Variants in PSD3 observed in about 807,000 individuals in gnomAD.
PSD3 encodes the protein PH and SEC7 domain-containing protein 3.
Under a neutral mutation model 105.5 loss-of-function variants are expected in PSD3, and 49 were observed. That is an observed-to-expected ratio of 0.46 (90% CI 0.37 to 0.59). The LOEUF (loss-of-function observed/expected upper bound fraction) is 0.59, where lower values mean the gene tolerates loss of function less well. Ranked by LOEUF, PSD3 falls within the 20% of genes least tolerant of loss-of-function variation. The pLI is 0.00. For missense variants in PSD3, 1,561 were observed against 1,263.8 expected (o/e 1.24, Z -3.57); for synonymous variants, 557 against 457.8 (o/e 1.22, Z -2.77).
intron 2 of PSD3, among the ~76,000 whole-genome samples, chr8:18,909,034 A>G (rs1322274362): frequency 6.6e-6 from 1 of 152,146 alleles, no homozygotes; most frequent in African/African-American, 2.4e-5. Context: ...AACCAACTCA[A>G]AGTTTACTAT....
chr8:19,079,121 T>C (rs888121921), intron 1 of PSD3, among the ~76,000 whole-genome samples: 4 of 152,046 alleles, frequency 2.6e-5, no homozygotes, highest in African/African-American at 9.7e-5. Flanking sequence ...GTGTGAATGT[T>C]GAGGATGGGG....
intron 1 of PSD3, among the ~76,000 whole-genome samples, chr8:19,075,175 G>A (rs749605717): frequency 4.7e-5 from 7 of 150,152 alleles, no homozygotes; most frequent in African/African-American, 7.3e-5. Flanking sequence ...CTCGAACTCC[G>A]GACTTCAAGT....
intron 9 of PSD3, chr8:18,734,321 T>G (rs997658272): frequency 6.6e-6 from 1 of 152,254 alleles, no homozygotes; most frequent in African/African-American, 2.4e-5. Context: ...ATGAAATTCA[T>G]GTATATGTCT....
intron 2 of PSD3, among the ~76,000 whole-genome samples, chr8:18,904,423 G>A (rs1224970799): frequency 6.6e-6 from 1 of 152,162 alleles, no homozygotes; most frequent in Non-Finnish European, 1.5e-5. Flanking sequence ...CAAGGCTTCA[G>A]CGGATCACCC....
At chr8:18,586,879 G>A (rs1381009526) in intron 12 of PSD3, among the ~76,000 whole-genome samples, 1 of 152,104 alleles carries the variant, frequency 6.6e-6, no homozygotes. Context: ...AGAAAGGTGT[G>A]GAGAAAGAGA....
intron 2 of PSD3, among the ~76,000 whole-genome samples, chr8:18,920,553 ATCT>A (rs2129467106): frequency 6.6e-6 from 1 of 152,348 alleles, no homozygotes; most frequent in South Asian, 2.1e-4. Context: ...ACAAAGTATA[ATCT>A]TCTCTCGATT....
At chr8:18,857,142 T>C (rs1053444857) in intron 4 of PSD3, among the ~76,000 whole-genome samples, 3 of 152,210 alleles carry the variant, frequency 2.0e-5, no homozygotes, top group Non-Finnish European at 4.4e-5. Context: ...CCCAAACCTC[T>C]GTTAGGAGAA....
chr8:18,883,447 G>A (rs189612277), intron 2 of PSD3, among the ~76,000 whole-genome samples: 1 of 152,276 alleles, frequency 6.6e-6, no homozygotes, highest in East Asian at 1.9e-4. Context: ...GCTGTAATAT[G>A]ACCCCTTCTT....
At chr8:18,966,204 C>A (rs1285455652) in intron 1 of PSD3, among the ~76,000 whole-genome samples, 1 of 152,106 alleles carries the variant, frequency 6.6e-6, no homozygotes, top group Non-Finnish European at 1.5e-5. Flanking sequence ...AGCTGTATAC[C>A]ACATACATTC....
chr8:18,580,183 T>C (rs1443579923), intron 12 of PSD3, among the ~76,000 whole-genome samples: 1 of 152,070 alleles, frequency 6.6e-6, no homozygotes, highest in African/African-American at 2.4e-5. Flanking sequence ...GAACCAGCAG[T>C]TTCACAAAAG....
intron 2 of PSD3, among the ~76,000 whole-genome samples, chr8:18,923,491 T>C (rs78955197): frequency 0.04 from 6,147 of 152,302 alleles, 179 homozygotes; most frequent in South Asian, 0.064. Context: ...TGACCACATA[T>C]AGGACGCTGA....
At chr8:18,934,673 A>G (rs1294608555) in intron 2 of PSD3, among the ~76,000 whole-genome samples, 1 of 152,176 alleles carries the variant, frequency 6.6e-6, no homozygotes, top group Non-Finnish European at 1.5e-5. Flanking sequence ...AGTCACTATA[A>G]TCCCATTTTA....
chr8:19,008,060 C>CT (rs1235367006), intron 1 of PSD3, among the ~76,000 whole-genome samples: 1 of 8,126 alleles, frequency 1.2e-4, no homozygotes, highest in Non-Finnish European at 0.019. Flanking sequence ...CCAGGCTGGT[C>CT]TCAACTCCGC....
intron 1 of PSD3, among the ~76,000 whole-genome samples, chr8:19,039,853 T>C (rs1369685949): frequency 1.3e-5 from 2 of 152,190 alleles, no homozygotes; most frequent in Admixed American, 1.3e-4. Flanking sequence ...ATCATGGGGC[T>C]TACAGTCTAG....
intron 2 of PSD3, among the ~76,000 whole-genome samples, chr8:18,909,114 T>C (rs1179793189): frequency 6.6e-6 from 1 of 152,222 alleles, no homozygotes; most frequent in African/African-American, 2.4e-5. Flanking sequence ...TTAGCAATCA[T>C]CATCAAAAGG....
intron 1 of PSD3, among the ~76,000 whole-genome samples, chr8:18,946,737 T>TG (rs1822878526): frequency 6.8e-6 from 1 of 147,826 alleles, no homozygotes; most frequent in African/African-American, 2.5e-5. Flanking sequence ...CCATCTCTAC[T>TG]AAAAAAAAAA....
At chr8:18,605,815 A>G (rs757994432) in intron 11 of PSD3, among the ~76,000 whole-genome samples, 8 of 152,084 alleles carry the variant, frequency 5.3e-5, no homozygotes, top group Non-Finnish European at 1.2e-4. Context: ...CTGGTTGTTT[A>G]AAAGTGTGGA....
chr8:18,838,204 C>G (rs1043578224), intron 4 of PSD3, among the ~76,000 whole-genome samples: 2 of 152,210 alleles, frequency 1.3e-5, no homozygotes, highest in Non-Finnish European at 2.9e-5. Context: ...AAACAATATT[C>G]TGCCAATGAC....
At position 19,068,618 on chromosome 8, in the gene PSD3, G is replaced by A. The variant is rs184483487; in HGVS notation, c.324+15588C>T. 2.7e-3 allele frequency among the ~76,000 whole-genome samples: 408 copies of A among 152,232 alleles called. 4 individuals are homozygous for A. Among genetic ancestry groups the A allele is most frequent in the Middle Eastern group, 0.014 (4 of 292 alleles). On this transcript the variant is annotated intron_variant, in intron 1 of 1. Transcript: ENST00000521475. ...CTCTTCCCTTTTGATAGCAAGGGGT[G>A]GCAGGACAAAGAACTGACACGTCCT...
Sources: gnomAD v4.1 joint callset for allele counts (sites outside exome capture counted in the v4.1 genomes callset) on GRCh38, gnomAD v4.1.1 for gene constraint, MANE v1.5 for transcripts, NCBI Gene and HGNC (gene_info 2026-07-23, HGNC 2026-07-21) for gene names.